Variants in SOBP observed in about 807,000 individuals in gnomAD.
SOBP encodes sine oculis-binding protein homolog.
SOBP carries 4 observed loss-of-function variants against 53.6 expected under a neutral mutation model. The observed-to-expected ratio is 0.07, with a 90% confidence interval of 0.04 to 0.17. The LOEUF is 0.17. Among genes scored for constraint, SOBP ranks in the 10% least tolerant of loss-of-function variants. The probability of loss-of-function intolerance (pLI) is 1.00; values close to 1 mark genes in which losing one functional copy is unlikely to be tolerated. For missense variants in SOBP, 1,088 were observed against 1,204.7 expected (o/e 0.90, Z 1.43); for synonymous variants, 584 against 522.6 (o/e 1.12, Z -1.60).
intron 4 of SOBP, among the ~76,000 whole-genome samples, chr6:107,583,069 C>T (rs945822743): frequency 6.6e-6 from 1 of 152,182 alleles, no homozygotes; most frequent in Admixed American, 6.5e-5. Flanking sequence ...CAAGTGGGGG[C>T]AGATGTAGAA....
chr6:107,556,826 C>G (rs1784624646), intron 4 of SOBP, among the ~76,000 whole-genome samples: 1 of 152,164 alleles, frequency 6.6e-6, no homozygotes, highest in Non-Finnish European at 1.5e-5. Context: ...AACCTCGGAG[C>G]AGATGTGTCC....
chr6:107,656,685 G>C (rs963987608), intron 6 of SOBP, among the ~76,000 whole-genome samples: 19 of 152,146 alleles, frequency 1.2e-4, no homozygotes, highest in African/African-American at 4.6e-4. Context: ...CTTCCACTTA[G>C]TCCTCCCAAT....
intron 6 of SOBP, among the ~76,000 whole-genome samples, chr6:107,656,030 C>T (rs142965419): frequency 9.2e-5 from 14 of 152,274 alleles, no homozygotes; most frequent in Non-Finnish European, 1.8e-4. Context: ...AGGAGGCCCC[C>T]TCTAACTACA....
At chr6:107,587,224 T>A (rs970996353) in intron 5 of SOBP, 49 bp downstream of exon 5, 1 of 1,485,974 alleles carries the variant, frequency 6.7e-7, no homozygotes, top group Non-Finnish European at 9.4e-7. Context: ...TTTAGCACAG[T>A]GAAAACAGTT....
At chr6:107,572,885 A>G (rs1046433859) in intron 4 of SOBP, among the ~76,000 whole-genome samples, 2 of 152,230 alleles carry the variant, frequency 1.3e-5, no homozygotes, top group African/African-American at 4.8e-5. Context: ...ATCAAGGGAA[A>G]TAACACTAAA....
chr6:107,512,802 A>C (rs1228355603), intron 3 of SOBP, among the ~76,000 whole-genome samples: 1 of 152,178 alleles, frequency 6.6e-6, no homozygotes, highest in Non-Finnish European at 1.5e-5. Context: ...AAATGAAGCA[A>C]CTTTTTCTAG....
At chr6:107,554,273 T>G (rs1784545528) in intron 4 of SOBP, among the ~76,000 whole-genome samples, 1 of 152,236 alleles carries the variant, frequency 6.6e-6, no homozygotes, top group Non-Finnish European at 1.5e-5. Context: ...GTTTGTCCAG[T>G]ACTTAGAGCA....
At chr6:107,507,627 G>A (rs554868035) in intron 3 of SOBP, among the ~76,000 whole-genome samples, 1 of 152,100 alleles carries the variant, frequency 6.6e-6, no homozygotes, top group South Asian at 2.1e-4. Context: ...TTTTTAGCTC[G>A]TCAGCTATCG....
At chr6:107,542,759 G>A (rs964784329) in intron 4 of SOBP, among the ~76,000 whole-genome samples, 1 of 151,518 alleles carries the variant, frequency 6.6e-6, no homozygotes, top group African/African-American at 2.4e-5. Context: ...GTTTTTTTGT[G>A]TGTTTTGTTT....
At chr6:107,637,424 A>C (rs1771095486) in intron 6 of SOBP, among the ~76,000 whole-genome samples, 1 of 152,256 alleles carries the variant, frequency 6.6e-6, no homozygotes, top group South Asian at 2.1e-4. Context: ...AAGAATACTA[A>C]AAATGAGTTC....
intron 4 of SOBP, among the ~76,000 whole-genome samples, chr6:107,555,034 A>G (rs1784569343): frequency 6.6e-6 from 1 of 152,170 alleles, no homozygotes; most frequent in Non-Finnish European, 1.5e-5. Context: ...CACAGGTGCT[A>G]GAATGCATTG....
chr6:107,594,116 C>T (rs1307487706), intron 5 of SOBP, among the ~76,000 whole-genome samples: 1 of 152,186 alleles, frequency 6.6e-6, no homozygotes, highest in East Asian at 1.9e-4. Context: ...CCCCTCCACT[C>T]CACCCACTGG....
chr6:107,517,399 T>A (rs1783352478), intron 3 of SOBP, among the ~76,000 whole-genome samples: 1 of 132,678 alleles, frequency 7.5e-6, no homozygotes, highest in African/African-American at 2.8e-5. Flanking sequence ...TTTTACTATG[T>A]CCTCATGTGG....
At position 107,634,950 on chromosome 6, in the gene SOBP, C is replaced by G; in HGVS notation, c.2106C>G (p.Ala702=). The change falls in exon 6 of 7, where the codon GCC becomes GCG. Residue 702 remains alanine (A), a synonymous_variant. Coordinates refer to ENST00000317357, the MANE Select transcript of SOBP (RefSeq NM_018013.4). The surrounding 1 kb of genome is among the most constrained non-coding windows in gnomAD (Gnocchi z 4.5). The part of the protein sequence containing the change: ...GCRDGHCSPP[A]AGDPGPGAPA... ...GGGACGGCCACTGCAGCCCGCCCGCCGCCGGCGACCCAGGCCCGGGCGCCC... is the reference window on the plus strand; with the variant it reads ...GGGACGGCCACTGCAGCCCGCCCGCGGCCGGCGACCCAGGCCCGGGCGCCC... 2 of 1,051,976 alleles carry G rather than the reference C, an allele frequency of 1.9e-6. No homozygotes were observed. The highest frequency in any genetic ancestry group is 3.4e-5 in the African/African-American group (2 of 58,376). The allele number at this position is 1,051,976 out of a possible 1,614,324, so 65.2% of individuals were successfully genotyped here. A position where few individuals can be genotyped will look rare whatever the true frequency, so the allele number is the denominator to read the frequency against.
intron 5 of SOBP, among the ~76,000 whole-genome samples, chr6:107,607,273 G>T (rs1051561233): frequency 3.3e-5 from 5 of 152,156 alleles, no homozygotes; most frequent in Admixed American, 2.6e-4. Context: ...TTCTTTTCAG[G>T]CAATTGGTGA....
chr6:107,618,764 C>G lies in SOBP; in HGVS notation c.670-14750C>G, dbSNP rs552418533. Among the ~76,000 whole-genome samples, 4 of 152,318 alleles carry G rather than the reference C, an allele frequency of 2.6e-5. No homozygotes were observed. The South Asian group carries it at 8.3e-4, about 32-fold the overall frequency. On this transcript the variant is annotated intron_variant, in intron 5 of 6. Transcript: ENST00000317357. ...TTCATCTGTCATGCAGAAAATGCAG[C>G]TGTGTGACCTAAAATGCTCTTGGGT...
intron 1 of SOBP, 38 bp from the exon 2 acceptor site, chr6:107,503,619 A>C (rs752617974): frequency 6.2e-7 from 1 of 1,610,820 alleles, no homozygotes; most frequent in South Asian, 1.1e-5. Context: ...GTAGTTATTG[A>C]TTATAGAAAT....
intron 5 of SOBP, among the ~76,000 whole-genome samples, chr6:107,617,853 G>A (rs150359750): frequency 8.4e-5 from 12 of 142,172 alleles, no homozygotes; most frequent in African/African-American, 2.6e-4. Context: ...TTTCTGAGAC[G>A]GAGTCTCTCT....
intron 5 of SOBP, among the ~76,000 whole-genome samples, chr6:107,591,968 G>GTTTTTTTTTTTTTTTTT (rs56210027): frequency 1.1e-5 from 1 of 88,636 alleles, no homozygotes; most frequent in Non-Finnish European, 2.2e-5. Flanking sequence ...GTCTTTTGGT[G>GTTTTTTTTTTTTTTTTT]TTTTTTTTTT....
Sources: allele counts gnomAD v4.1 joint callset (sites outside exome capture counted in the v4.1 genomes callset), GRCh38; gene constraint gnomAD v4.1.1; non-coding constraint Gnocchi (gnomAD v3.1); transcripts MANE v1.5; gene names NCBI Gene and HGNC (gene_info 2026-07-23, HGNC 2026-07-21).